The following SLCO3A1 variants were observed in gnomAD, a reference collection of about 807,000 sequenced individuals.
SLCO3A1 encodes the protein PGE1 transporter.
SLCO3A1 carries 27 observed loss-of-function variants against 63.1 expected under a neutral mutation model. That is an observed-to-expected ratio of 0.43 (90% CI 0.32 to 0.59). SLCO3A1 has a LOEUF of 0.59. Ranked by LOEUF, SLCO3A1 falls within the 20% of genes least tolerant of loss-of-function variation. The pLI, the probability that SLCO3A1 is intolerant of heterozygous loss-of-function variation, is 0.09. For synonymous variants in SLCO3A1, 473 were observed against 409.9 expected (o/e 1.15, Z -1.86); for missense variants, 773 against 945.8 (o/e 0.82, Z 2.40).
At chr15:92,111,099 C>T (rs1025252526) in intron 4 of SLCO3A1, among the ~76,000 whole-genome samples, 1 of 152,168 alleles carries the variant, frequency 6.6e-6, no homozygotes, top group Non-Finnish European at 1.5e-5. Flanking sequence ...CATTCACCCC[C>T]GCCCCACCAC....
At chr15:91,917,717 T>C (rs1898709017) in intron 2 of SLCO3A1, among the ~76,000 whole-genome samples, 1 of 152,114 alleles carries the variant, frequency 6.6e-6, no homozygotes, top group African/African-American at 2.4e-5. Flanking sequence ...CTGAGAGTGG[T>C]TATGGTGGAG....
intron 2 of SLCO3A1, among the ~76,000 whole-genome samples, chr15:91,977,073 G>A (rs1385724765): frequency 1.3e-5 from 2 of 152,160 alleles, no homozygotes; most frequent in Admixed American, 1.3e-4. Context: ...AGATAGGGGT[G>A]ATAGTTGTGA....
chr15:92,004,297 A>C (rs1235914377), intron 2 of SLCO3A1, among the ~76,000 whole-genome samples: 1 of 152,206 alleles, frequency 6.6e-6, no homozygotes, highest in Non-Finnish European at 1.5e-5. Context: ...CAGCCTCTGC[A>C]TCCTCCTATA....
chr15:92,094,276 GATA>G (rs998788809), intron 2 of SLCO3A1, among the ~76,000 whole-genome samples: 6 of 152,192 alleles, frequency 3.9e-5, no homozygotes, highest in African/African-American at 1.2e-4. Context: ...AGTGGAAACA[GATA>G]ATGACTTCAA....
At chr15:91,960,947 A>G (rs545669095) in intron 2 of SLCO3A1, among the ~76,000 whole-genome samples, 6 of 152,314 alleles carry the variant, frequency 3.9e-5, no homozygotes, top group African/African-American at 1.2e-4. Flanking sequence ...TTTGGATTAG[A>G]AATGCTCCAC....
At chr15:92,024,407 A>G (rs2046545763) in intron 2 of SLCO3A1, among the ~76,000 whole-genome samples, 1 of 152,200 alleles carries the variant, frequency 6.6e-6, no homozygotes, top group Non-Finnish European at 1.5e-5. Context: ...AAGTGTATGG[A>G]CATACTGTGC....
Position 91,872,690 on chromosome 15 carries a change from G to A in SLCO3A1, c.180+18602G>A, listed in dbSNP as rs1286480994. ...AAAAAATTCGCAGCTGAATGCTTCA[G>A]TGTCTTGAGTGTGTTGATATTATTT... On this transcript the variant is annotated intron_variant, in intron 1 of 9. Transcript: ENST00000318445. The surrounding 1 kb of genome is among the most constrained non-coding windows in gnomAD (Gnocchi z 4.1). 6.6e-6 allele frequency among the ~76,000 whole-genome samples: 1 copy of A among 152,202 alleles called. No homozygotes were observed. Among genetic ancestry groups the A allele is most frequent in the Non-Finnish European group, 1.5e-5 (1 of 68,042 alleles).
At chr15:91,980,044 C>A (rs1056899166) in intron 2 of SLCO3A1, among the ~76,000 whole-genome samples, 5 of 152,164 alleles carry the variant, frequency 3.3e-5, no homozygotes, top group Non-Finnish European at 5.9e-5. Flanking sequence ...TAGAAATATT[C>A]CAAAAGGAAA....
At chr15:92,053,841 G>A (rs1056466567) in intron 2 of SLCO3A1, among the ~76,000 whole-genome samples, 7 of 152,048 alleles carry the variant, frequency 4.6e-5, no homozygotes, top group African/African-American at 1.4e-4. Flanking sequence ...TTGGCTGAGG[G>A]AGTGTTTGTC....
At chr15:91,956,676 AT>A (rs1900189603) in intron 2 of SLCO3A1, among the ~76,000 whole-genome samples, 1 of 151,160 alleles carries the variant, frequency 6.6e-6, no homozygotes, top group Non-Finnish European at 1.5e-5. Flanking sequence ...CCCCGACACC[AT>A]TTGAGAATTT....
chr15:92,115,686 A>C (rs191684077), intron 4 of SLCO3A1, among the ~76,000 whole-genome samples: 1 of 152,038 alleles, frequency 6.6e-6, no homozygotes, highest in Admixed American at 6.5e-5. Flanking sequence ...CCAGGTTCTT[A>C]GCCATTATTT....
In SLCO3A1 at chr15:91,941,547, A is replaced by G. The variant is rs1463149262; in HGVS notation, c.646+25089A>G. The stretch of plus-strand genomic sequence containing the variant: ...TTTTCTGAGCCTCACTTTCTTGGCA[A>G]TTAGATGAACCAGAGGTTTATTTCA... On this transcript the variant is annotated intron_variant, in intron 2 of 9. Transcript: ENST00000318445. This position sits in a 1 kb window ranked among gnomAD's most constrained non-coding sequence, Gnocchi z 4.4. 2.2e-6 allele frequency: 1 copy of G among 455,990 alleles called. No homozygotes were observed. The highest frequency in any genetic ancestry group is 2.3e-5 in the Admixed American group (1 of 42,570). 28.2% of individuals were successfully genotyped at this position (455,990 alleles called of 1,614,324 possible).
rs946067758 is a variant in SLCO3A1 at position 92,165,326 on chromosome 15, A to G, written c.*2191A>G. 4.1e-6 allele frequency: 4 copies of G among 985,232 alleles called. No individual in the cohort carries two copies. The highest frequency in any genetic ancestry group is 6.1e-5 in the Admixed American group (1 of 16,292). The allele number at this position is 985,232 out of a possible 1,614,324, so 61.0% of individuals were successfully genotyped here. On this transcript the variant is annotated 3_prime_UTR_variant, in exon 10 of 10. Transcript: ENST00000318445. ...AGATGGTTCTCCAACCACTTCATAA[A>G]ATATGTATGTTCTGTTGTTCCTAAG...
intron 9 of SLCO3A1, among the ~76,000 whole-genome samples, chr15:92,152,102 C>T (rs879363061): frequency 2.0e-5 from 3 of 152,196 alleles, no homozygotes; most frequent in Non-Finnish European, 4.4e-5. Flanking sequence ...TCCATTTTAT[C>T]AGAAGAGTAT....
intron 3 of SLCO3A1, among the ~76,000 whole-genome samples, chr15:92,104,040 C>T (rs1428292228): frequency 1.3e-5 from 2 of 152,108 alleles, no homozygotes; most frequent in South Asian, 2.1e-4. Flanking sequence ...TTGTTTAGAC[C>T]GATATAAACA....
intron 2 of SLCO3A1, among the ~76,000 whole-genome samples, chr15:92,082,335 C>CAAGT (rs1288326363): frequency 1.3e-5 from 2 of 152,188 alleles, no homozygotes; most frequent in African/African-American, 2.4e-5. Flanking sequence ...GAGACGAAGG[C>CAAGT]AAGTGGGTGA....
At chr15:91,899,053 C>A (rs1310451911) in intron 1 of SLCO3A1, among the ~76,000 whole-genome samples, 1 of 152,134 alleles carries the variant, frequency 6.6e-6, no homozygotes, top group East Asian at 1.9e-4. Flanking sequence ...ATTCAAAACT[C>A]CTTGGAGAGA....
intron 2 of SLCO3A1, among the ~76,000 whole-genome samples, chr15:92,064,566 A>G (rs537315588): frequency 6.6e-6 from 1 of 152,332 alleles, no homozygotes; most frequent in African/African-American, 2.4e-5. Context: ...TAGTAGTTTT[A>G]TAGTTTCAAG....
At position 92,131,779 on chromosome 15, in the gene SLCO3A1, T is replaced by C. The variant is rs1187062549; in HGVS notation, c.1512+3290T>C. 1.4e-5 allele frequency among the ~76,000 whole-genome samples: 2 copies of C among 145,760 alleles called. 1 individual carries two copies. Among genetic ancestry groups the C allele is most frequent in the Non-Finnish European group, 3.1e-5 (2 of 65,086 alleles). On this transcript the variant is annotated intron_variant, in intron 7 of 9. Coordinates refer to ENST00000318445, the MANE Select transcript of SLCO3A1 (RefSeq NM_013272.4). ...AGCAGTCTCTCCCTTCTAAGCTCTGTCTTATCTCTCAGGGCTGTCTCTCCT... is the reference window on the plus strand; with the variant it reads ...AGCAGTCTCTCCCTTCTAAGCTCTGCCTTATCTCTCAGGGCTGTCTCTCCT...
Sources: allele counts gnomAD v4.1 joint callset (sites outside exome capture counted in the v4.1 genomes callset), GRCh38; gene constraint gnomAD v4.1.1; non-coding constraint Gnocchi (gnomAD v3.1); transcripts MANE v1.5; gene names NCBI Gene and HGNC (gene_info 2026-07-23, HGNC 2026-07-21).